SSBP3: variants seen among roughly 807,000 people sequenced by gnomAD.
The protein encoded by SSBP3 is single-stranded DNA-binding protein 3.
Under a neutral mutation model 69.6 loss-of-function variants are expected in SSBP3, and 5 were observed. That is an observed-to-expected ratio of 0.07 (90% CI 0.04 to 0.15). The LOEUF (loss-of-function observed/expected upper bound fraction) is 0.15. Ranked by LOEUF, SSBP3 falls within the 10% of genes least tolerant of loss-of-function variation. The pLI, the probability that SSBP3 is intolerant of heterozygous loss-of-function variation, is 1.00. For missense variants in SSBP3, 312 were observed against 534.0 expected, an observed-to-expected ratio of 0.58 and a Z score of 4.10; for synonymous variants, 196 against 193.4, an observed-to-expected ratio of 1.01 and a Z score of -0.11.
chr1:54,316,665 TAAATA>T (rs1553137554), intron 4 of SSBP3, among the ~76,000 whole-genome samples: 1 of 20,650 alleles, frequency 4.8e-5, no homozygotes. Flanking sequence ...AAAAATAAAA[TAAATA>T]AATAAATAAA....
At chr1:54,249,505 GGCAA>G (rs1557459549) in intron 9 of SSBP3, among the ~76,000 whole-genome samples, 1 of 151,942 alleles carries the variant, frequency 6.6e-6, no homozygotes, top group Admixed American at 6.6e-5. Flanking sequence ...GACCAGTCTG[GGCAA>G]CATGGCAAGA....
At chr1:54,346,219 G>T (rs966439080) in intron 4 of SSBP3, among the ~76,000 whole-genome samples, 1 of 151,726 alleles carries the variant, frequency 6.6e-6, no homozygotes, top group Admixed American at 6.6e-5. Context: ...CATCTACTCA[G>T]GAGGCTAAGG....
intron 4 of SSBP3, among the ~76,000 whole-genome samples, chr1:54,374,758 T>A (rs1364029051): frequency 6.6e-6 from 1 of 152,102 alleles, no homozygotes; most frequent in African/African-American, 2.4e-5. Flanking sequence ...AGACAGAGTG[T>A]AAAATGCAGA....
intron 4 of SSBP3, among the ~76,000 whole-genome samples, chr1:54,285,887 G>C (rs1485756753): frequency 6.6e-6 from 1 of 152,136 alleles, no homozygotes; most frequent in South Asian, 2.1e-4. Context: ...GGGAGCCCAC[G>C]GACAGGCCCC....
At chr1:54,406,796 G>T (rs1649809989), upstream of SSBP3, among the ~76,000 whole-genome samples, 1 of 151,266 alleles carries the variant, frequency 6.6e-6, no homozygotes, top group Admixed American at 6.6e-5. Flanking sequence ...CCAAGCGGTC[G>T]CCGCTCGCTC....
intron 4 of SSBP3, among the ~76,000 whole-genome samples, chr1:54,341,041 G>A (rs1182501296): frequency 2.0e-5 from 3 of 152,176 alleles, no homozygotes; most frequent in Non-Finnish European, 4.4e-5. Flanking sequence ...TCTGTAAATC[G>A]GTGCTGCCAA....
At chr1:54,360,579 A>C (rs1646935903) in intron 4 of SSBP3, among the ~76,000 whole-genome samples, 1 of 152,166 alleles carries the variant, frequency 6.6e-6, no homozygotes, top group Non-Finnish European at 1.5e-5. Context: ...GAAAGCCTGC[A>C]TGGGTCCCCC....
At chr1:54,348,074 G>A (rs1051912075) in intron 4 of SSBP3, among the ~76,000 whole-genome samples, 6 of 151,972 alleles carry the variant, frequency 3.9e-5, no homozygotes, top group Non-Finnish European at 5.9e-5. Context: ...AACCAACCAC[G>A]ACCTTCTGCA....
intron 3 of SSBP3, 103 bp from the exon 4 acceptor site, chr1:54,402,048 G>T: frequency 1.1e-6 from 1 of 936,856 alleles, no homozygotes. Context: ...GTCTCCCAAA[G>T]GCTCAATCCC....
chr1:54,383,367 G>A (rs570924341), intron 4 of SSBP3, among the ~76,000 whole-genome samples: 56 of 149,064 alleles, frequency 3.8e-4, no homozygotes, highest in Non-Finnish European at 6.9e-4. Flanking sequence ...GACAGAGCGA[G>A]ACTCCGTCTC....
intron 4 of SSBP3, among the ~76,000 whole-genome samples, chr1:54,311,852 T>C (rs1646008928): frequency 6.6e-6 from 1 of 152,166 alleles, no homozygotes; most frequent in Non-Finnish European, 1.5e-5. Flanking sequence ...AGCTCTGTGT[T>C]GTTCCCCGGA....
chr1:54,235,447 G>GTTTTTT (rs1644472595), intron 14 of SSBP3, among the ~76,000 whole-genome samples: 1 of 112,730 alleles, frequency 8.9e-6, no homozygotes, highest in African/African-American at 3.8e-5. Context: ...ATGCCCGGCT[G>GTTTTTT]ATTTTTTTTT....
intron 14 of SSBP3, among the ~76,000 whole-genome samples, chr1:54,232,785 T>G (rs1028423750): frequency 2.6e-5 from 4 of 152,178 alleles, no homozygotes; most frequent in African/African-American, 9.7e-5. Context: ...GGTTTCGCTG[T>G]GTTGGCCGGG....
At position 54,359,930 on chromosome 1, in the gene SSBP3, C is replaced by G. The variant is rs181616677; in HGVS notation, c.276+41931G>C. The stretch of plus-strand genomic sequence containing the variant: ...GTTCAGATCATGGGTTGATAATCAC[C>G]AAGGAGTCAAACCATGACCTCCCAC... On this transcript the variant is annotated intron_variant, in intron 4 of 17. Transcript: ENST00000610401. Among the ~76,000 whole-genome samples, 100 of 152,078 alleles carry G rather than the reference C, an allele frequency of 6.6e-4. No individual in the cohort carries two copies. In the South Asian group the frequency reaches 7.5e-3, roughly 11 times the overall value.
At chr1:54,298,810 A>T (rs1645747573) in intron 4 of SSBP3, among the ~76,000 whole-genome samples, 4 of 152,168 alleles carry the variant, frequency 2.6e-5, no homozygotes, top group Admixed American at 2.6e-4. Flanking sequence ...GTGTGCAAAC[A>T]GCCCTGAGCA....
intron 4 of SSBP3, among the ~76,000 whole-genome samples, chr1:54,308,405 T>A (rs552804805): frequency 6.6e-6 from 1 of 151,528 alleles, no homozygotes; most frequent in South Asian, 2.1e-4. Context: ...ATCGAGACCA[T>A]CCTGGCTAAC....
chr1:54,310,287 C>A (rs547970856), intron 4 of SSBP3, among the ~76,000 whole-genome samples: 47 of 152,284 alleles, frequency 3.1e-4, no homozygotes, highest in African/African-American at 1.1e-3. Flanking sequence ...CCCCAGGGGC[C>A]GCAGGCTCCG....
chr1:54,407,745 G>GT (rs1452457447), upstream of SSBP3, among the ~76,000 whole-genome samples: 1 of 119,138 alleles, frequency 8.4e-6, no homozygotes, highest in Non-Finnish European at 1.7e-5. Flanking sequence ...GTTAGCCTAG[G>GT]TTGATTTTTT....
At chr1:54,245,674 C>T (rs541428146) in intron 9 of SSBP3, among the ~76,000 whole-genome samples, 37 of 152,322 alleles carry the variant, frequency 2.4e-4, no homozygotes, top group Non-Finnish European at 3.8e-4. Context: ...AGGCAGGCCC[C>T]GCCTCACCCT....
Sources: allele counts gnomAD v4.1 joint callset (sites outside exome capture counted in the v4.1 genomes callset), GRCh38; gene constraint gnomAD v4.1.1; transcripts MANE v1.5; gene names NCBI Gene and HGNC (gene_info 2026-07-23, HGNC 2026-07-21).